REEP5: variants seen among roughly 807,000 people sequenced by gnomAD.
REEP5 encodes receptor accessory protein 5, also known as receptor expression-enhancing protein 5.
Under a neutral mutation model 22.4 loss-of-function variants are expected in REEP5, and 24 were observed. The observed-to-expected ratio is 1.07, with a 90% CI of 0.78 to 1.51. The LOEUF is 1.51. Among genes scored for constraint, REEP5 ranks in the 40% most tolerant of loss-of-function variants. REEP5 has a pLI of 0.00. For synonymous variants in REEP5, 103 were observed against 88.6 expected, an observed-to-expected ratio of 1.16 and a Z score of -0.92; for missense variants, 252 against 233.0, an observed-to-expected ratio of 1.08 and a Z score of -0.53.
At chr5:112,901,353 G>A (rs1348564960) in intron 3 of REEP5, among the ~76,000 whole-genome samples, 4 of 152,086 alleles carry the variant, frequency 2.6e-5, no homozygotes, top group African/African-American at 9.7e-5. Flanking sequence ...TGAAGAACAC[G>A]GTATATAGCA....
intron 2 of REEP5, among the ~76,000 whole-genome samples, chr5:112,915,450 T>C (rs894627104): frequency 6.6e-6 from 1 of 152,256 alleles, no homozygotes; most frequent in Non-Finnish European, 1.5e-5. Context: ...GATATTTTTA[T>C]TACTTTTTCA....
At chr5:112,915,302 T>C (rs774085391) in intron 2 of REEP5, among the ~76,000 whole-genome samples, 1 of 152,236 alleles carries the variant, frequency 6.6e-6, no homozygotes, top group Non-Finnish European at 1.5e-5. Context: ...GAAACTCTGA[T>C]CATGAATAAA....
chr5:112,892,053 G>C (rs775043127), intron 3 of REEP5: 48 of 1,527,408 alleles, frequency 3.1e-5, no homozygotes, highest in Non-Finnish European at 4.2e-5. Flanking sequence ...AAGAAAAAGA[G>C]GAAGCTGTGC....
intron 2 of REEP5, among the ~76,000 whole-genome samples, chr5:112,913,370 GA>G (rs1263795532): frequency 1.0e-5 from 1 of 97,058 alleles, no homozygotes; most frequent in Non-Finnish European, 1.9e-5. Context: ...AGGAAAGAAA[GA>G]AGAAAGAAAG....
At chr5:112,905,681 C>T (rs1212944601) in intron 2 of REEP5, among the ~76,000 whole-genome samples, 1 of 152,054 alleles carries the variant, frequency 6.6e-6, no homozygotes, top group Non-Finnish European at 1.5e-5. Context: ...AGTGCAGTGG[C>T]ATGATCACAA....
intron 4 of REEP5, among the ~76,000 whole-genome samples, chr5:112,880,820 A>T (rs1404546088): frequency 6.6e-6 from 1 of 152,172 alleles, no homozygotes; most frequent in African/African-American, 2.4e-5. Context: ...AAGAAAAGAA[A>T]GCTCTTAAAA....
At chr5:112,920,495 A>G (rs1769331601) in intron 2 of REEP5, among the ~76,000 whole-genome samples, 1 of 152,206 alleles carries the variant, frequency 6.6e-6, no homozygotes, top group Non-Finnish European at 1.5e-5. Flanking sequence ...AAAAAAATAA[A>G]CACATTGTAG....
intron 2 of REEP5, among the ~76,000 whole-genome samples, chr5:112,903,869 T>C (rs1768898657): frequency 6.6e-6 from 1 of 152,226 alleles, no homozygotes; most frequent in African/African-American, 2.4e-5. Flanking sequence ...ACAGGGTCTC[T>C]GCACAGGCTG....
chr5:112,895,480 A>G (rs899066958), intron 3 of REEP5: 1 of 112,936 alleles, frequency 8.9e-6, no homozygotes, highest in Non-Finnish European at 1.7e-5. Context: ...CAAGCTTATT[A>G]TCTTTTCTGG....
At chr5:112,888,410 C>T (rs1385462116) in intron 3 of REEP5, among the ~76,000 whole-genome samples, 2 of 152,108 alleles carry the variant, frequency 1.3e-5, no homozygotes, top group Non-Finnish European at 2.9e-5. Context: ...AAACAAAACC[C>T]AAGTTCTCAA....
At chr5:112,880,472 C>G (rs1244993492) in intron 4 of REEP5, among the ~76,000 whole-genome samples, 1 of 152,168 alleles carries the variant, frequency 6.6e-6, no homozygotes, top group Non-Finnish European at 1.5e-5. Flanking sequence ...GGAGTCCCTT[C>G]TTGTCCACCA....
chr5:112,901,495 G>A (rs539780554), intron 3 of REEP5, among the ~76,000 whole-genome samples: 11 of 152,078 alleles, frequency 7.2e-5, no homozygotes, highest in Admixed American at 5.9e-4. Context: ...GATTGCTTAA[G>A]GTCAGGAGTT....
At chr5:112,891,898 G>T in intron 3 of REEP5, 1 of 1,338,736 alleles carries the variant, frequency 7.5e-7, no homozygotes, top group Non-Finnish European at 1.1e-6. Context: ...GGAGCAGAAG[G>T]CACAAGAAGA....
chr5:112,910,507 TATA>T (rs1483185463), intron 2 of REEP5, among the ~76,000 whole-genome samples: 32 of 152,358 alleles, frequency 2.1e-4, no homozygotes, highest in African/African-American at 7.7e-4. Context: ...CTAGGCATTC[TATA>T]ATACCAGATT....
chr5:112,894,942 A>C (rs1223341229), intron 3 of REEP5: 1 of 152,202 alleles, frequency 6.6e-6, no homozygotes, highest in African/African-American at 2.4e-5. Flanking sequence ...TTGGATTAAG[A>C]ATCAGGAGAG....
intron 2 of REEP5, among the ~76,000 whole-genome samples, chr5:112,919,985 A>C (rs1480949480): frequency 6.6e-6 from 1 of 152,162 alleles, no homozygotes; most frequent in Non-Finnish European, 1.5e-5. Context: ...GACTAATGTA[A>C]CACCGACCGC....
At chr5:112,890,336 AAGAATAC>A (rs1189746407) in intron 3 of REEP5, among the ~76,000 whole-genome samples, 1 of 148,916 alleles carries the variant, frequency 6.7e-6, no homozygotes, top group African/African-American at 2.6e-5. Flanking sequence ...AGAAATTAGT[AAGAATAC>A]AGAATAAAGA....
chr5:112,883,797 C>T (rs1226363271), intron 4 of REEP5, among the ~76,000 whole-genome samples: 1 of 152,134 alleles, frequency 6.6e-6, no homozygotes, highest in Non-Finnish European at 1.5e-5. Context: ...CACAACCTCC[C>T]ACCCCAACAA....
chr5:112,900,907 G>A lies in REEP5; in HGVS notation c.351+1473C>T, dbSNP rs182088945. Among the ~76,000 whole-genome samples the A allele has an allele frequency of 4.3e-3, 647 of 151,110 alleles. 7 individuals carry two copies. The highest frequency in any genetic ancestry group is 0.015 in the African/African-American group (629 of 41,096). ...GGCTGGAGTGCAGTAGTGTGATCTCGGTTCACTGCAACCTCTGCATCCCAG... is the reference window on the plus strand; with the variant it reads ...GGCTGGAGTGCAGTAGTGTGATCTCAGTTCACTGCAACCTCTGCATCCCAG... On this transcript the variant is annotated intron_variant, in intron 3 of 4. Transcript: ENST00000379638.
Sources: allele counts gnomAD v4.1 joint callset (sites outside exome capture counted in the v4.1 genomes callset), GRCh38; gene constraint gnomAD v4.1.1; transcripts MANE v1.5; gene names NCBI Gene and HGNC (gene_info 2026-07-23, HGNC 2026-07-21).